SH3RF3: variants seen among roughly 807,000 people sequenced by gnomAD.
SH3RF3 encodes the protein SH3 domain containing ring finger 3.
SH3RF3 carries 29 observed loss-of-function variants against 66.3 expected under a neutral mutation model. That is an observed-to-expected ratio of 0.44 (90% CI 0.33 to 0.60). The LOEUF is 0.60. SH3RF3 is among the 20% of genes least tolerant of loss of function. The probability of loss-of-function intolerance (pLI) is 0.04; values close to 1 mark genes in which losing one functional copy is unlikely to be tolerated. For synonymous variants in SH3RF3, 583 were observed against 532.0 expected, an observed-to-expected ratio of 1.10 and a Z score of -1.32; for missense variants, 1,194 against 1,190.9, an observed-to-expected ratio of 1.00 and a Z score of -0.04.
At chr2:109,439,915 G>A (rs1677513387) in intron 7 of SH3RF3, among the ~76,000 whole-genome samples, 1 of 152,186 alleles carries the variant, frequency 6.6e-6, no homozygotes, top group Non-Finnish European at 1.5e-5. Flanking sequence ...GAGTGTGGAG[G>A]AGGGAATTCA....
At chr2:109,355,137 C>T (rs115490701) in intron 2 of SH3RF3, among the ~76,000 whole-genome samples, 300 of 152,168 alleles carry the variant, frequency 2.0e-3, no homozygotes, top group Middle Eastern at 6.8e-3. Context: ...CTTGGAAATA[C>T]CAGGGAATAG....
intron 1 of SH3RF3, among the ~76,000 whole-genome samples, chr2:109,157,523 T>C (rs1677375571): frequency 6.6e-6 from 1 of 152,206 alleles, no homozygotes; most frequent in Non-Finnish European, 1.5e-5. Flanking sequence ...TTAGAGATAA[T>C]CTCATTGGGT....
chr2:109,306,910 A>C (rs1681611261), intron 1 of SH3RF3, among the ~76,000 whole-genome samples: 1 of 152,226 alleles, frequency 6.6e-6, no homozygotes, highest in African/African-American at 2.4e-5. Flanking sequence ...GGGCCGCGGC[A>C]TGCATGCCCG....
At chr2:109,224,436 T>C (rs778557957) in intron 1 of SH3RF3, among the ~76,000 whole-genome samples, 47 of 152,312 alleles carry the variant, frequency 3.1e-4, no homozygotes, top group Non-Finnish European at 5.9e-4. Flanking sequence ...GAAGCAGTTT[T>C]TGAGGTCATG....
intron 1 of SH3RF3, among the ~76,000 whole-genome samples, chr2:109,300,536 T>A (rs980427272): frequency 2.6e-5 from 4 of 152,160 alleles, no homozygotes; most frequent in African/African-American, 4.8e-5. Context: ...CATGAATCCA[T>A]GCTCCAGAGA....
chr2:109,371,537 T>TTG lies in SH3RF3; in HGVS notation c.850-39_850-38dup, dbSNP rs758301967. The TTG allele has an allele frequency of 6.6e-6, 10 of 1,517,872 alleles. No homozygotes were observed. The African/African-American group carries it at 8.2e-5, about 12-fold the overall frequency. The allele number at this position is 1,517,872 out of a possible 1,614,324, so 94.0% of individuals were successfully genotyped here. ...AACCAGTGTCTTGCTTCCTTTTTCA[T>TTG]TGTGTGTGTGTCCGTATGCTTGTGT... On this transcript the variant is annotated intron_variant, in intron 2 of 9. Transcript: ENST00000309415.
Position 109,449,634 on chromosome 2 carries a change from C to T in SH3RF3, c.2148+145C>T, listed in dbSNP as rs1166102955. 4.4e-6 allele frequency: 5 copies of T among 1,133,784 alleles called. No individual in the cohort carries two copies. The Middle Eastern group carries it at 6.5e-4, about 147-fold the overall frequency. The allele number at this position is 1,133,784 out of a possible 1,614,324, so 70.2% of individuals were successfully genotyped here. On this transcript the variant is annotated intron_variant, in intron 8 of 9. Transcript: ENST00000309415. ...GCCCCTAGATGAACCAGGCGTGTGA[C>T]AGAGAGGGAGCCAAACCACCAGAGC...
At chr2:109,346,414 C>A (rs114303621) in intron 1 of SH3RF3, among the ~76,000 whole-genome samples, 5 of 152,136 alleles carry the variant, frequency 3.3e-5, no homozygotes, top group Admixed American at 6.5e-5. Context: ...TTGATTGATT[C>A]GAATACTGAA....
intron 1 of SH3RF3, among the ~76,000 whole-genome samples, chr2:109,157,233 T>C (rs6752599): frequency 0.81 from 123,851 of 152,110 alleles, 50,576 homozygotes; most frequent in East Asian, 0.89. Flanking sequence ...TCAGCTCTGC[T>C]GGTAGGTCTA....
intron 1 of SH3RF3, among the ~76,000 whole-genome samples, chr2:109,228,170 G>T (rs17035207): frequency 0.16 from 23,724 of 152,080 alleles, 3,584 homozygotes; most frequent in African/African-American, 0.38. Flanking sequence ...TGGCAAACAT[G>T]GTGCTACTTG....
rs138696217 is a variant in SH3RF3 at position 109,254,723 on chromosome 2, C to A, written c.574-92951C>A. Among the ~76,000 whole-genome samples, 928 of 152,302 alleles carry A rather than the reference C, an allele frequency of 6.1e-3. 22 individuals carry two copies. The highest frequency in any genetic ancestry group is 3.9e-3 in the Non-Finnish European group (266 of 68,022). On this transcript the variant is annotated intron_variant, in intron 1 of 9. Coordinates refer to ENST00000309415, the MANE Select transcript of SH3RF3 (RefSeq NM_001099289.3). ...GTTGTCTCTTTCTGTGCCAGCCGCT[C>A]CCATGAGAGGAGCCTCTCATTGCCG...
At chr2:109,291,472 G>A (rs975237018) in intron 1 of SH3RF3, among the ~76,000 whole-genome samples, 1 of 152,178 alleles carries the variant, frequency 6.6e-6, no homozygotes, top group African/African-American at 2.4e-5. Context: ...CAGGAGGACC[G>A]GGCTCAGGGC....
intron 2 of SH3RF3, among the ~76,000 whole-genome samples, chr2:109,359,834 C>G (rs770397095): frequency 2.1e-4 from 32 of 152,090 alleles, no homozygotes; most frequent in Non-Finnish European, 4.4e-5. Context: ...CCACACATGC[C>G]CAGATTCCCC....
intron 1 of SH3RF3, among the ~76,000 whole-genome samples, chr2:109,274,387 G>A (rs1401212293): frequency 1.3e-5 from 2 of 152,206 alleles, no homozygotes; most frequent in African/African-American, 2.4e-5. Flanking sequence ...CAGCCCAAGT[G>A]TCTATCAGTG....
intron 8 of SH3RF3, among the ~76,000 whole-genome samples, chr2:109,483,582 C>G (rs1488054235): frequency 6.6e-6 from 1 of 152,238 alleles, no homozygotes; most frequent in Non-Finnish European, 1.5e-5. Flanking sequence ...GACTTCCTAT[C>G]TGCTGTGTCG....
chr2:109,306,681 A>G (rs1001426413), intron 1 of SH3RF3, among the ~76,000 whole-genome samples: 17 of 152,222 alleles, frequency 1.1e-4, no homozygotes, highest in African/African-American at 3.9e-4. Flanking sequence ...CCAGTAACCT[A>G]GCATGTTACT....
intron 8 of SH3RF3, among the ~76,000 whole-genome samples, chr2:109,481,098 C>G (rs758611322): frequency 6.6e-6 from 1 of 152,222 alleles, no homozygotes; most frequent in Non-Finnish European, 1.5e-5. Context: ...CAAAAAGAAT[C>G]TGACAGCTGT....
chr2:109,395,631 C>T lies in SH3RF3; in HGVS notation c.946-2959C>T, dbSNP rs114558962. 6.3e-3 allele frequency among the ~76,000 whole-genome samples: 959 copies of T among 152,330 alleles called. 11 individuals carry two copies. The highest frequency in any genetic ancestry group is 0.022 in the African/African-American group (901 of 41,564). On this transcript the variant is annotated intron_variant, in intron 3 of 9. Coordinates refer to ENST00000309415, the MANE Select transcript of SH3RF3 (RefSeq NM_001099289.3). ...ATGAGGGATGCATGCTGTCTCCCCA[C>T]CCTCACTCTCTGTCTCCGCCGTGAA...
intron 1 of SH3RF3, among the ~76,000 whole-genome samples, chr2:109,194,038 G>T (rs542852090): frequency 4.6e-5 from 7 of 152,310 alleles, no homozygotes; most frequent in African/African-American, 1.7e-4. Context: ...AGTCTGTTCT[G>T]CCTGTGTGTG....
Sources: gnomAD v4.1 joint callset for allele counts (sites outside exome capture counted in the v4.1 genomes callset) on GRCh38, gnomAD v4.1.1 for gene constraint, MANE v1.5 for transcripts, NCBI Gene and HGNC (gene_info 2026-07-23, HGNC 2026-07-21) for gene names.